ADAM12: variants seen among roughly 807,000 people sequenced by gnomAD.
ADAM12 encodes the protein ADAM metallopeptidase domain 12.
Under a neutral mutation model 106.4 loss-of-function variants are expected in ADAM12, and 70 were observed. That is an observed-to-expected ratio of 0.66 (90% CI 0.54 to 0.80). The LOEUF (loss-of-function observed/expected upper bound fraction) is 0.80, where lower values mean the gene tolerates loss of function less well. Ranked by LOEUF, ADAM12 falls within the 30% of genes least tolerant of loss-of-function variation. ADAM12 has a pLI of 0.00. For missense variants in ADAM12, 1,010 were observed against 1,171.9 expected (o/e 0.86, Z 2.02); for synonymous variants, 420 against 433.5 (o/e 0.97, Z 0.39).
At chr10:126,320,359 T>C (rs958067171) in intron 2 of ADAM12, among the ~76,000 whole-genome samples, 1 of 152,222 alleles carries the variant, frequency 6.6e-6, no homozygotes, top group Admixed American at 6.5e-5. Flanking sequence ...TGTTACATTC[T>C]ACAACGGTGC....
chr10:126,117,942 T>C, intron 6 of ADAM12, 96 bp downstream of exon 6: 1 of 1,421,770 alleles, frequency 7.0e-7, no homozygotes, highest in Non-Finnish European at 9.8e-7. Context: ...TGCCGCATCA[T>C]CTAGATGGCA....
At chr10:126,146,894 C>T (rs1484151148) in intron 4 of ADAM12, among the ~76,000 whole-genome samples, 2 of 152,216 alleles carry the variant, frequency 1.3e-5, no homozygotes, top group Admixed American at 6.5e-5. Context: ...CTGACTTTCC[C>T]CTTCCTTCCA....
intron 1 of ADAM12, among the ~76,000 whole-genome samples, chr10:126,335,954 A>G (rs886445563): frequency 1.3e-5 from 2 of 151,110 alleles, no homozygotes; most frequent in South Asian, 2.1e-4. Context: ...GTAATCGTCA[A>G]AACTGTCAAC....
intron 22 of ADAM12, among the ~76,000 whole-genome samples, chr10:126,019,081 C>T (rs577512944): frequency 6.6e-6 from 1 of 152,232 alleles, no homozygotes; most frequent in African/African-American, 2.4e-5. Context: ...AGCACCATCT[C>T]CTTGGTTCTA....
At chr10:126,330,364 T>C (rs1854465296) in intron 2 of ADAM12, 48 bp downstream of exon 2, 1 of 1,497,764 alleles carries the variant, frequency 6.7e-7, no homozygotes. Flanking sequence ...GCTAATGTGA[T>C]TTAAAAGCTT....
chr10:126,063,381 G>A (rs1383775891), intron 14 of ADAM12, among the ~76,000 whole-genome samples: 1 of 152,202 alleles, frequency 6.6e-6, no homozygotes. Flanking sequence ...CATCCATCTT[G>A]TTTTCCATGC....
At chr10:126,120,598 A>C (rs1173680185) in intron 5 of ADAM12, among the ~76,000 whole-genome samples, 1 of 151,838 alleles carries the variant, frequency 6.6e-6, no homozygotes, top group Non-Finnish European at 1.5e-5. Flanking sequence ...TCTTTTTTGG[A>C]GGGTCTATAG....
At chr10:126,317,354 A>C (rs1320017286) in intron 2 of ADAM12, among the ~76,000 whole-genome samples, 1 of 152,196 alleles carries the variant, frequency 6.6e-6, no homozygotes, top group Non-Finnish European at 1.5e-5. Context: ...TGGGTTTTTG[A>C]CCAAATCTTT....
At chr10:126,168,780 G>A (rs191844198) in intron 3 of ADAM12, among the ~76,000 whole-genome samples, 1,910 of 152,212 alleles carry the variant, frequency 0.013, 44 homozygotes, top group East Asian at 0.06. Flanking sequence ...ACGGCCAGGC[G>A]CGGTGGCTCA....
At chr10:126,178,562 CTTTCTT>C (rs1380559918) in intron 3 of ADAM12, among the ~76,000 whole-genome samples, 1 of 151,810 alleles carries the variant, frequency 6.6e-6, no homozygotes, top group Non-Finnish European at 1.5e-5. Flanking sequence ...ATTTCTTACT[CTTTCTT>C]TAATGAGATT....
intron 9 of ADAM12, among the ~76,000 whole-genome samples, chr10:126,099,642 T>C (rs1409218466): frequency 2.0e-5 from 3 of 152,120 alleles, no homozygotes; most frequent in African/African-American, 7.2e-5. Context: ...GACTAATCAA[T>C]GCATAAAATG....
chr10:126,129,321 A>G (rs1344777826), intron 5 of ADAM12, among the ~76,000 whole-genome samples: 2 of 152,236 alleles, frequency 1.3e-5, no homozygotes, highest in Non-Finnish European at 2.9e-5. Context: ...TCCAGCCAGG[A>G]GCTGAAGCAG....
At chr10:126,051,536 C>CCAGCCAGCCACCCATCCAT in intron 14 of ADAM12, among the ~76,000 whole-genome samples, 2 of 118,994 alleles carry the variant, frequency 1.7e-5, no homozygotes, top group Admixed American at 8.9e-5. Flanking sequence ...CAGCCAGCCA[C>CCAGCCAGCCACCCATCCAT]CCATCCATCC....
intron 11 of ADAM12, 71 bp from the exon 12 acceptor site, chr10:126,071,725 C>G: frequency 6.4e-7 from 1 of 1,555,242 alleles, no homozygotes; most frequent in Non-Finnish European, 8.8e-7. Flanking sequence ...CTTGTGCCCA[C>G]AAGAAGGCAC....
intron 2 of ADAM12, among the ~76,000 whole-genome samples, chr10:126,297,615 AT>A (rs1344895288): frequency 1.3e-5 from 2 of 152,234 alleles, no homozygotes; most frequent in East Asian, 3.9e-4. Flanking sequence ...CATTAAGCTG[AT>A]GGTACACAAA....
intron 2 of ADAM12, among the ~76,000 whole-genome samples, chr10:126,290,063 A>G (rs559303270): frequency 2.0e-5 from 3 of 152,192 alleles, no homozygotes; most frequent in Non-Finnish European, 4.4e-5. Context: ...AGAATCTTTC[A>G]TGACTGGGGT....
At chr10:126,313,613 GTCCATCTGTCCATCCAGCCATCTA>G (rs1407585438) in intron 2 of ADAM12, among the ~76,000 whole-genome samples, 1 of 82,976 alleles carries the variant, frequency 1.2e-5, no homozygotes, top group East Asian at 3.0e-4. Context: ...CCATCCATCT[GTCCATCTGTCCATCCAGCCATCTA>G]TCCATCTGTC....
chr10:126,382,856 A>G (rs1856541375), intron 1 of ADAM12, among the ~76,000 whole-genome samples: 1 of 152,256 alleles, frequency 6.6e-6, no homozygotes, highest in South Asian at 2.1e-4. Context: ...CATCCATTAC[A>G]AAAAAGAAGA....
intron 2 of ADAM12, among the ~76,000 whole-genome samples, chr10:126,283,921 G>T (rs1337680341): frequency 6.6e-6 from 1 of 152,122 alleles, no homozygotes; most frequent in Non-Finnish European, 1.5e-5. Flanking sequence ...TCATAATTTT[G>T]CCTTTCACAT....
Sources: gnomAD v4.1 joint callset for allele counts (sites outside exome capture counted in the v4.1 genomes callset) on GRCh38, gnomAD v4.1.1 for gene constraint, MANE v1.5 for transcripts, NCBI Gene and HGNC (gene_info 2026-07-23, HGNC 2026-07-21) for gene names.